Variants in COL28A1 observed in about 807,000 individuals in gnomAD.
The protein encoded by COL28A1 is collagen type XXVIII alpha 1 chain, also known as collagen alpha-1(XXVIII) chain.
Under a neutral mutation model 150.2 loss-of-function variants are expected in COL28A1, and 161 were observed. The observed-to-expected ratio is 1.07, with a 90% CI of 0.94 to 1.22. COL28A1 has a LOEUF of 1.22. COL28A1 is among the 50% of genes most tolerant of loss of function. The probability of loss-of-function intolerance (pLI) is 0.00; values close to 1 mark genes in which losing one functional copy is unlikely to be tolerated. For missense variants in COL28A1, 1,617 were observed against 1,388.3 expected, an observed-to-expected ratio of 1.16 and a Z score of -2.62; for synonymous variants, 552 against 469.7, an observed-to-expected ratio of 1.18 and a Z score of -2.26.
chr7:7,361,425 C>T (rs973055232), intron 33 of COL28A1, among the ~76,000 whole-genome samples: 8 of 152,174 alleles, frequency 5.3e-5, no homozygotes, highest in African/African-American at 1.9e-4. Context: ...ACACTGTCTT[C>T]CACAATGGTT....
At chr7:7,405,344 G>A (rs1366612037) in intron 27 of COL28A1, among the ~76,000 whole-genome samples, 2 of 152,040 alleles carry the variant, frequency 1.3e-5, no homozygotes, top group African/African-American at 4.8e-5. Context: ...CCACAGTATG[G>A]TAATTTAAGA....
At chr7:7,482,581 C>T (rs1779398238) in intron 13 of COL28A1, among the ~76,000 whole-genome samples, 1 of 150,508 alleles carries the variant, frequency 6.6e-6, no homozygotes, top group Non-Finnish European at 1.5e-5. Context: ...CATTTTGGTG[C>T]AACATTTTGA....
chr7:7,414,488 G>T (rs956584233), intron 27 of COL28A1, among the ~76,000 whole-genome samples: 13 of 152,220 alleles, frequency 8.5e-5, no homozygotes, highest in African/African-American at 3.1e-4. Flanking sequence ...CAGAGGAATG[G>T]CAGGAGGCTG....
intron 15 of COL28A1, among the ~76,000 whole-genome samples, chr7:7,460,309 T>C (rs1488808525): frequency 2.6e-5 from 4 of 152,296 alleles, no homozygotes; most frequent in Non-Finnish European, 5.9e-5. Flanking sequence ...TTAACCTGAT[T>C]TTAAGATAAT....
chr7:7,424,618 A>T (rs1784555704), intron 25 of COL28A1, among the ~76,000 whole-genome samples: 1 of 152,160 alleles, frequency 6.6e-6, no homozygotes, highest in African/African-American at 2.4e-5. Context: ...GATAATGAAC[A>T]GACGTGCGAG....
intron 11 of COL28A1, among the ~76,000 whole-genome samples, chr7:7,503,678 T>C (rs1780654009): frequency 1.3e-5 from 2 of 152,170 alleles, no homozygotes; most frequent in Non-Finnish European, 2.9e-5. Flanking sequence ...AATAAGTGTA[T>C]AAAATGAAAA....
chr7:7,543,070 G>A, the COL28A1 span, among the ~76,000 whole-genome samples: 3 of 152,102 alleles, frequency 2.0e-5, no homozygotes, highest in South Asian at 6.2e-4. Flanking sequence ...AGAACGTATG[G>A]TATAAAATTT....
chr7:7,383,666 T>TTGTGTGTG (rs746358688), intron 27 of COL28A1, among the ~76,000 whole-genome samples: 2,511 of 107,280 alleles, frequency 0.023, 89 homozygotes, highest in African/African-American at 0.066. Context: ...TATTTGAAAT[T>TTGTGTGTG]TGTGTGTGTG....
intron 15 of COL28A1, among the ~76,000 whole-genome samples, chr7:7,463,025 C>A (rs372213078): frequency 1.3e-5 from 2 of 151,796 alleles, no homozygotes; most frequent in African/African-American, 4.8e-5. Context: ...TCCAAGAAAT[C>A]TGGGATTATG....
At chr7:7,352,978 G>A (rs866764994), downstream of COL28A1, among the ~76,000 whole-genome samples, 148 of 152,300 alleles carry the variant, frequency 9.7e-4, 3 homozygotes, top group African/African-American at 3.3e-3. Context: ...TATGCAAAAG[G>A]AAAGGTGAAG....
intron 27 of COL28A1, among the ~76,000 whole-genome samples, chr7:7,395,509 C>T (rs917129832): frequency 2.0e-5 from 3 of 152,194 alleles, no homozygotes; most frequent in Non-Finnish European, 4.4e-5. Context: ...CTAGCTCAAA[C>T]AGAAGCTTGG....
chr7:7,412,653 A>G (rs1783855328), intron 27 of COL28A1, among the ~76,000 whole-genome samples: 1 of 152,134 alleles, frequency 6.6e-6, no homozygotes, highest in Non-Finnish European at 1.5e-5. Flanking sequence ...TTTAGGAAAC[A>G]GTACTGTATT....
intron 25 of COL28A1, among the ~76,000 whole-genome samples, chr7:7,429,486 G>GGT (rs1298191074): frequency 6.7e-6 from 1 of 149,970 alleles, no homozygotes; most frequent in Non-Finnish European, 1.5e-5. Context: ...GGGGGGGGAT[G>GGT]GTGTGTGTGT....
intron 25 of COL28A1, 169 bp from the exon 26 acceptor site, chr7:7,420,122 A>G (rs1784318351): frequency 7.3e-6 from 3 of 408,968 alleles, no homozygotes; most frequent in Admixed American, 8.4e-5. Flanking sequence ...TCAAACCAAC[A>G]GATCCAGGTC....
chr7:7,388,557 G>T (rs970397566), intron 27 of COL28A1, among the ~76,000 whole-genome samples: 1 of 152,066 alleles, frequency 6.6e-6, no homozygotes, highest in African/African-American at 2.4e-5. Flanking sequence ...GGTATTTCTG[G>T]TTCTAGATCC....
intron 27 of COL28A1, among the ~76,000 whole-genome samples, chr7:7,393,021 G>A (rs1782635212): frequency 6.6e-6 from 1 of 152,096 alleles, no homozygotes; most frequent in Admixed American, 6.5e-5. Flanking sequence ...TCCCTTGCTG[G>A]CGAGGAGTTG....
At chr7:7,530,329 G>A (rs1293695296) in intron 3 of COL28A1, among the ~76,000 whole-genome samples, 1 of 152,132 alleles carries the variant, frequency 6.6e-6, no homozygotes, top group African/African-American at 2.4e-5. Flanking sequence ...GAAAACCTCA[G>A]ATCTTATGCT....
downstream of COL28A1, among the ~76,000 whole-genome samples, chr7:7,351,609 G>A (rs1200940637): frequency 6.6e-6 from 1 of 151,922 alleles, no homozygotes; most frequent in Non-Finnish European, 1.5e-5. Context: ...CCTAATTTTT[G>A]GAGTCTGATG....
chr7:7,393,885 T>C (rs1040886830), intron 27 of COL28A1, among the ~76,000 whole-genome samples: 2 of 151,992 alleles, frequency 1.3e-5, no homozygotes, highest in African/African-American at 4.8e-5. Context: ...TGGGATCCGC[T>C]GAAGTAGACC....
Sources: allele counts gnomAD v4.1 joint callset (sites outside exome capture counted in the v4.1 genomes callset), GRCh38; gene constraint gnomAD v4.1.1; transcripts MANE v1.5; gene names NCBI Gene and HGNC (gene_info 2026-07-23, HGNC 2026-07-21).